The following RASGEF1A variants were observed in gnomAD, a reference collection of about 807,000 sequenced individuals.
The protein encoded by RASGEF1A is RasGEF domain family member 1A, also known as ras-GEF domain-containing family member 1A.
Under a neutral mutation model 56.4 loss-of-function variants are expected in RASGEF1A, and 18 were observed. That is an observed-to-expected ratio of 0.32 (90% CI 0.22 to 0.47). The LOEUF (loss-of-function observed/expected upper bound fraction) is 0.47, where lower values mean the gene tolerates loss of function less well. Ranked by LOEUF, RASGEF1A falls within the 20% of genes least tolerant of loss-of-function variation. The pLI is 1.00. For synonymous variants in RASGEF1A, 245 were observed against 242.6 expected, an observed-to-expected ratio of 1.01 and a Z score of -0.09; for missense variants, 422 against 627.1, an observed-to-expected ratio of 0.67 and a Z score of 3.49.
intron 6 of RASGEF1A, 84 bp from the exon 7 acceptor site, chr10:43,199,852 C>CTAT: frequency 8.7e-7 from 1 of 1,144,364 alleles, no homozygotes; most frequent in African/African-American, 1.5e-5. Flanking sequence ...TGGTCCCCAG[C>CTAT]TATGGCTCAG....
chr10:43,221,604 G>A (rs1467637485), intron 1 of RASGEF1A, among the ~76,000 whole-genome samples: 1 of 152,254 alleles, frequency 6.6e-6, no homozygotes, highest in African/African-American at 2.4e-5. Flanking sequence ...CCAGGCCTGT[G>A]GGATGGACAG....
intron 1 of RASGEF1A, among the ~76,000 whole-genome samples, chr10:43,236,418 ATGGG>A (rs1168680138): frequency 2.6e-5 from 4 of 152,230 alleles, no homozygotes; most frequent in African/African-American, 9.7e-5. Context: ...GTGCATAGGC[ATGGG>A]TGTGTGTACA....
At chr10:43,197,921 A>G in intron 10 of RASGEF1A, 83 bp downstream of exon 10, 1 of 1,273,870 alleles carries the variant, frequency 7.9e-7, no homozygotes, top group Admixed American at 2.0e-5. Flanking sequence ...AAACCCACAG[A>G]TCCCGACCCA....
At chr10:43,199,257 G>A (rs974837739) in intron 7 of RASGEF1A, 63 bp from the exon 8 acceptor site, 116 of 1,316,628 alleles carry the variant, frequency 8.8e-5, no homozygotes, top group East Asian at 9.9e-5. Context: ...TGGGGCCGCC[G>A]GGCAGAGGAA....
intron 1 of RASGEF1A, among the ~76,000 whole-genome samples, chr10:43,229,282 C>T (rs1457937857): frequency 1.3e-5 from 2 of 152,210 alleles, no homozygotes; most frequent in Non-Finnish European, 2.9e-5. Context: ...CCACACACCG[C>T]GGACCACCCC....
At chr10:43,259,445 C>T (rs73262000) in intron 1 of RASGEF1A, among the ~76,000 whole-genome samples, 3,272 of 152,294 alleles carry the variant, frequency 0.021, 134 homozygotes, top group African/African-American at 0.075. Flanking sequence ...AGGGGCCTGA[C>T]TCCAACTCCC....
intron 2 of RASGEF1A, among the ~76,000 whole-genome samples, chr10:43,204,077 G>C (rs971668149): frequency 1.1e-4 from 16 of 152,190 alleles, no homozygotes; most frequent in African/African-American, 3.6e-4. Context: ...CGAGATCCTC[G>C]TGGGCTGGGT....
chr10:43,214,699 G>A (rs556416480), intron 1 of RASGEF1A, among the ~76,000 whole-genome samples: 8 of 152,306 alleles, frequency 5.3e-5, no homozygotes, highest in East Asian at 1.9e-4. Context: ...GCACACTGTC[G>A]GAATTCTAGG....
At position 43,208,065 on chromosome 10, in the gene RASGEF1A, G is replaced by T. The variant is rs919569690; in HGVS notation, c.-6-1943C>A. The T allele has an allele frequency of 4.1e-6, 4 of 985,326 alleles. No homozygotes were observed. In the African/African-American group the frequency reaches 7.0e-5, roughly 17 times the overall value. The allele number at this position is 985,326 out of a possible 1,614,324, so 61.0% of individuals were successfully genotyped here. On this transcript the variant is annotated intron_variant, in intron 1 of 12. Coordinates refer to ENST00000395810, the MANE Select transcript of RASGEF1A (RefSeq NM_145313.4). ...TTTGTGCAATGAAGTCACGAAGGCG[G>T]GCTCACAAACCCCTTGTTGCCCACA...
chr10:43,264,648 G>T (rs1001565651), intron 1 of RASGEF1A, among the ~76,000 whole-genome samples: 4 of 150,256 alleles, frequency 2.7e-5, no homozygotes, highest in Non-Finnish European at 5.9e-5. Flanking sequence ...GAAAAAGGGG[G>T]AAGGGGAGGG....
intron 1 of RASGEF1A, chr10:43,208,342 C>T (rs1360749220): frequency 1.9e-5 from 19 of 985,924 alleles, no homozygotes; most frequent in Middle Eastern, 5.1e-4. Context: ...CAGCCCCAGC[C>T]GATCCCCCAC....
chr10:43,264,103 C>T (rs1018452601), intron 1 of RASGEF1A, among the ~76,000 whole-genome samples: 3 of 152,122 alleles, frequency 2.0e-5, no homozygotes, highest in Non-Finnish European at 4.4e-5. Flanking sequence ...TCCCTTCACA[C>T]AGTGCCCGCC....
chr10:43,197,239 C>CT, intron 10 of RASGEF1A, 140 bp from the exon 11 acceptor site: 3 of 1,017,262 alleles, frequency 2.9e-6, no homozygotes, highest in Non-Finnish European at 4.3e-6. Context: ...GCCCTGCACG[C>CT]TGACCCCGTG....
chr10:43,201,924 C>A lies in RASGEF1A; in HGVS notation c.343G>T (p.Ala115Ser). ...PEKAKLKSFS[A>S]KIVQLLKEWT... Reference sequence around the variant, plus strand: ...TCCTTCAGGAGCTGCACGATCTTGGCTGAGAAAGACTTCAGCTTGGCCTGG... The same window carrying A: ...TCCTTCAGGAGCTGCACGATCTTGGATGAGAAAGACTTCAGCTTGGCCTGG... Residue 115 changes from alanine (A) to serine (S), a missense_variant, in exon 4 of 13, where the codon GCC becomes TCC. By Grantham distance (99) the Ala-to-Ser change is moderately conservative. Coordinates refer to ENST00000395810, the MANE Select transcript of RASGEF1A (RefSeq NM_145313.4). 6.2e-7 allele frequency: 1 copy of A among 1,608,886 alleles called. No individual in the cohort carries two copies. Among genetic ancestry groups the A allele is most frequent in the Non-Finnish European group, 8.5e-7 (1 of 1,176,686 alleles).
intron 1 of RASGEF1A, among the ~76,000 whole-genome samples, chr10:43,221,554 G>A (rs536111164): frequency 6.6e-6 from 1 of 152,374 alleles, no homozygotes; most frequent in Non-Finnish European, 1.5e-5. Context: ...CAGGGCTCCG[G>A]AGAAGGAGAA....
intron 1 of RASGEF1A, among the ~76,000 whole-genome samples, chr10:43,222,744 A>C (rs1840224494): frequency 6.6e-6 from 1 of 152,232 alleles, no homozygotes; most frequent in Non-Finnish European, 1.5e-5. Context: ...GAATCTGAGA[A>C]AGGAGTCCCA....
At chr10:43,264,199 G>C (rs1407878291) in intron 1 of RASGEF1A, among the ~76,000 whole-genome samples, 2 of 151,942 alleles carry the variant, frequency 1.3e-5, no homozygotes, top group Non-Finnish European at 2.9e-5. Context: ...CCAGCGCGCA[G>C]GGACATTCTG....
chr10:43,204,275 G>A (rs1376449367), intron 2 of RASGEF1A, among the ~76,000 whole-genome samples: 6 of 152,090 alleles, frequency 3.9e-5, no homozygotes, highest in African/African-American at 1.4e-4. Flanking sequence ...CATATAACCC[G>A]GTTTTTCTTG....
Position 43,198,950 on chromosome 10 carries a change from T to G in RASGEF1A, c.1015A>C (p.Lys339Gln), listed in dbSNP as rs749913475. ...GTGCCTACCTCCAAGACATCAAACTTGGCTGTCTTGACCTTGGACCAAGTT... is the reference window on the plus strand; with the variant it reads ...GTGCCTACCTCCAAGACATCAAACTGGGCTGTCTTGACCTTGGACCAAGTT... ...KKTWSKVKTA[K>Q]FDVLEHHMDP... Residue 339 changes from lysine to glutamine, a missense_variant, in exon 9 of 13, where the codon AAG (lysine) becomes CAG (glutamine). Lys to Gln is a moderately conservative substitution (Grantham distance 53, BLOSUM62 1). This residue lies in a region of RASGEF1A where 149 missense variants were observed against 287.2 expected (regional missense o/e 0.52). Coordinates refer to ENST00000395810, the MANE Select transcript of RASGEF1A (RefSeq NM_145313.4). The G allele has an allele frequency of 3.8e-6, 6 of 1,599,106 alleles. No homozygotes were observed. Among genetic ancestry groups the G allele is most frequent in the African/African-American group, 1.4e-5 (1 of 73,932 alleles).
Sources: allele counts gnomAD v4.1 joint callset (sites outside exome capture counted in the v4.1 genomes callset), GRCh38; gene constraint gnomAD v4.1.1; regional missense constraint gnomAD v4.1.1; transcripts MANE v1.5; gene names NCBI Gene and HGNC (gene_info 2026-07-23, HGNC 2026-07-21).